WWP1: variants seen among roughly 807,000 people sequenced by gnomAD.
WWP1 encodes the protein NEDD4-like E3 ubiquitin-protein ligase WWP1.
A neutral mutation model predicts 130.6 loss-of-function variants in WWP1; 49 were observed. That is an observed-to-expected ratio of 0.38 (90% CI 0.30 to 0.48). The LOEUF is 0.48. Ranked by LOEUF, WWP1 falls within the 20% of genes least tolerant of loss-of-function variation. The pLI is 0.99. For synonymous variants in WWP1, 332 were observed against 367.8 expected (o/e 0.90, Z 1.11); for missense variants, 809 against 1,100.6 (o/e 0.74, Z 3.75).
At position 86,402,318 on chromosome 8, in the gene WWP1, C is replaced by G. The variant is rs1490411212; in HGVS notation, c.724+115C>G. 2.3e-6 allele frequency: 3 copies of G among 1,295,688 alleles called. No individual in the cohort carries two copies. The African/African-American group carries it at 4.6e-5, about 20-fold the overall frequency. 80.3% of individuals were successfully genotyped at this position (1,295,688 alleles called of 1,614,324 possible). A position where few individuals can be genotyped will look rare whatever the true frequency, so the allele number is the denominator to read the frequency against. Reference sequence around the variant, plus strand: ...GTCTTTTTTTTGAGACGGAGTCTCGCTCTGTCACCCAGGCTGGAGTGCAGT... The same window carrying G: ...GTCTTTTTTTTGAGACGGAGTCTCGGTCTGTCACCCAGGCTGGAGTGCAGT... On this transcript the variant is annotated intron_variant, in intron 8 of 24. Coordinates refer to ENST00000517970, the MANE Select transcript of WWP1 (RefSeq NM_007013.4).
rs768629119 is a variant in WWP1, at chr8:86,402,179, G to T, written c.700G>T (p.Ala234Ser). The change falls in exon 8 of 25, where the codon GCA becomes TCA. Residue 234 changes from alanine (A) to serine (S), a missense_variant. Around this residue, in one of 3 missense-constraint regions of WWP1, gnomAD observed 262 missense variants for 346.0 expected, o/e 0.76. Coordinates refer to ENST00000517970, the MANE Select transcript of WWP1 (RefSeq NM_007013.4). ...PKNTPAPKPL[A>S]SEPADDTVNG... ...AAATACACCAGCTCCAAAACCACTC[G>T]CATCTGAGCCTGCCGATGACACTGG... 8 of 1,613,272 alleles carry T rather than the reference G, an allele frequency of 5.0e-6. No individual in the cohort carries two copies. Among genetic ancestry groups the T allele is most frequent in the Non-Finnish European group, 6.8e-6 (8 of 1,179,666 alleles).
At chr8:86,433,671 T>C (rs766280460) in intron 14 of WWP1, among the ~76,000 whole-genome samples, 2 of 152,174 alleles carry the variant, frequency 1.3e-5, no homozygotes, top group Non-Finnish European at 2.9e-5. Context: ...CACCTTGTTA[T>C]GGTGGCTCAC....
In WWP1 at chr8:86,448,384, T is replaced by C. The variant is rs1304903182; in HGVS notation, c.2144T>C (p.Ile715Thr). The stretch of plus-strand genomic sequence containing the variant: ...TTTATTTCACCCAGAGATAACAACA[T>C]TGAAGAATGTGGCTTAGAAATGTAC... ...NSLIWIRDNN[I>T]EECGLEMYFS... The change falls in exon 20 of 25, where the codon ATT (isoleucine) becomes ACT (threonine). Residue 715 changes from isoleucine (I) to threonine (T), a missense_variant. This residue lies in a region of WWP1 where 450 missense variants were observed against 674.2 expected (regional missense o/e 0.67). Coordinates refer to ENST00000517970, the MANE Select transcript of WWP1 (RefSeq NM_007013.4). The C allele has an allele frequency of 1.2e-6, 2 of 1,613,118 alleles. No individual in the cohort carries two copies.
In WWP1 at chr8:86,381,646, G is replaced by T; in HGVS notation, c.334+17G>T. On this transcript the variant is annotated intron_variant, in intron 5 of 24. Transcript: ENST00000517970. ...ATAGAAAATGTAAGTTTTTTGTTCTGACCTTTATTTCCTTATAAGTTTATT... is the reference window on the plus strand; with the variant it reads ...ATAGAAAATGTAAGTTTTTTGTTCTTACCTTTATTTCCTTATAAGTTTATT... 2 of 1,566,976 alleles carry T rather than the reference G, an allele frequency of 1.3e-6. No homozygotes were observed. The highest frequency in any genetic ancestry group is 1.4e-5 in the African/African-American group (1 of 72,200).
intron 21 of WWP1, among the ~76,000 whole-genome samples, chr8:86,455,033 G>T (rs144369196): frequency 6.6e-6 from 1 of 152,016 alleles, no homozygotes; most frequent in African/African-American, 2.4e-5. Flanking sequence ...CATAGTAATG[G>T]TTATTTATAC....
At chr8:86,419,757 G>A (rs1391928076) in intron 9 of WWP1, among the ~76,000 whole-genome samples, 4 of 151,984 alleles carry the variant, frequency 2.6e-5, no homozygotes, top group African/African-American at 9.7e-5. Flanking sequence ...GATGATAAAT[G>A]AAAACAGATC....
intron 14 of WWP1, 69 bp from the exon 15 acceptor site, chr8:86,435,382 GA>G: frequency 1.3e-6 from 2 of 1,510,564 alleles, no homozygotes; most frequent in Non-Finnish European, 1.8e-6. Context: ...AGTACACTCT[GA>G]TTTTATACTG....
chr8:86,401,976 G>T, intron 7 of WWP1, 43 bp from the exon 8 acceptor site: 1 of 1,436,104 alleles, frequency 7.0e-7, no homozygotes, highest in South Asian at 1.6e-5. Context: ...AAATGTTGTT[G>T]AATTATACTT....
intron 16 of WWP1, among the ~76,000 whole-genome samples, chr8:86,437,559 A>T (rs1586460862): frequency 6.6e-6 from 1 of 152,292 alleles, no homozygotes; most frequent in East Asian, 1.9e-4. Context: ...TCTTGTCATT[A>T]ACCCAAAATA....
chr8:86,405,469 C>T (rs769561730), intron 8 of WWP1, among the ~76,000 whole-genome samples: 5 of 151,872 alleles, frequency 3.3e-5, no homozygotes, highest in Non-Finnish European at 5.9e-5. Flanking sequence ...TATTTAATCA[C>T]GATGTGTGGC....
At chr8:86,428,032 T>G (rs1332513121) in intron 11 of WWP1, among the ~76,000 whole-genome samples, 2 of 152,122 alleles carry the variant, frequency 1.3e-5, no homozygotes, top group Non-Finnish European at 2.9e-5. Context: ...TATTCTAGTT[T>G]ACTAACATAA....
chr8:86,425,251 A>G lies in WWP1; in HGVS notation c.1090A>G (p.Arg364Gly). Reference protein sequence around the residue: ...GWEQRKDPHGRTYYVDHNTRT... With the variant: ...GWEQRKDPHGGTYYVDHNTRT... ...GGAACAAAGAAAAGATCCTCATGGT[A>G]GAACCTATTATGTGGATCATAATAC... The change falls in exon 10 of 25, where the codon AGA (arginine) becomes GGA (glycine). Residue 364 changes from arginine (R) to glycine (G), a missense_variant. Transcript: ENST00000517970. The G allele has an allele frequency of 6.2e-7, 1 of 1,612,860 alleles. No individual in the cohort carries two copies. Among genetic ancestry groups the G allele is most frequent in the Non-Finnish European group, 8.5e-7 (1 of 1,179,548 alleles).
intron 9 of WWP1, among the ~76,000 whole-genome samples, chr8:86,424,710 C>T (rs1022510724): frequency 9.9e-5 from 15 of 151,166 alleles, no homozygotes; most frequent in Admixed American, 3.3e-4. Context: ...CAGGCTGAGG[C>T]GGGAGAATCA....
At position 86,399,487 on chromosome 8, in the gene WWP1, T is replaced by C. The variant is rs143728798; in HGVS notation, c.539+849T>C. On this transcript the variant is annotated intron_variant, in intron 7 of 24. Coordinates refer to ENST00000517970, the MANE Select transcript of WWP1 (RefSeq NM_007013.4). ...TGTGGTAAAATGGACTCATTACCTT[T>C]GAAAAAGCATGCTAGTATATGACAA... is the stretch of plus-strand genomic sequence containing the variant. Among the ~76,000 whole-genome samples the C allele has an allele frequency of 2.2e-4, 34 of 152,356 alleles. No individual in the cohort carries two copies. In the East Asian group the frequency reaches 6.6e-3, roughly 29 times the overall value.
chr8:86,438,729 GAAA>G, intron 17 of WWP1, 56 bp downstream of exon 17: 2 of 1,377,000 alleles, frequency 1.5e-6, no homozygotes, highest in Non-Finnish European at 2.0e-6. Context: ...TGTATACAGG[GAAA>G]GTATTCTTCA....
chr8:86,347,256 A>T (rs546385653), intron 1 of WWP1, among the ~76,000 whole-genome samples: 1 of 152,186 alleles, frequency 6.6e-6, no homozygotes, highest in Non-Finnish European at 1.5e-5. Context: ...AAAGTGCTGG[A>T]ATTACAGGCG....
intron 1 of WWP1, among the ~76,000 whole-genome samples, chr8:86,361,792 T>C (rs2130201085): frequency 6.6e-6 from 1 of 152,064 alleles, no homozygotes; most frequent in African/African-American, 2.4e-5. Flanking sequence ...AATATTAAGG[T>C]GCTTTTGTTC....
chr8:86,435,798 C>G, intron 16 of WWP1, 94 bp downstream of exon 16: 3 of 1,145,242 alleles, frequency 2.6e-6, no homozygotes, highest in Admixed American at 2.3e-5. Flanking sequence ...TTAAACCACC[C>G]AGAACACAGC....
intron 8 of WWP1, among the ~76,000 whole-genome samples, chr8:86,403,338 C>T (rs1476343771): frequency 1.3e-5 from 2 of 152,126 alleles, no homozygotes; most frequent in Non-Finnish European, 2.9e-5. Context: ...CTCTGTTGCC[C>T]AGGCTAGAGG....
Sources: gnomAD v4.1 joint callset for allele counts (sites outside exome capture counted in the v4.1 genomes callset) on GRCh38, gnomAD v4.1.1 for gene constraint, gnomAD v4.1.1 regional missense constraint, MANE v1.5 for transcripts, NCBI Gene and HGNC (gene_info 2026-07-23, HGNC 2026-07-21) for gene names.